CNTN5: variants seen among roughly 807,000 people sequenced by gnomAD.
The protein encoded by CNTN5 is contactin 5, also known as contactin-5.
Under a neutral mutation model 129.1 loss-of-function variants are expected in CNTN5, and 77 were observed. That is an observed-to-expected ratio of 0.60 (90% CI 0.50 to 0.72). The LOEUF (loss-of-function observed/expected upper bound fraction) is 0.72, where lower values mean the gene tolerates loss of function less well. Among genes scored for constraint, CNTN5 ranks in the 30% least tolerant of loss-of-function variants. CNTN5 has a pLI of 0.00. For missense variants in CNTN5, 1,478 were observed against 1,328.8 expected (o/e 1.11, Z -1.75); for synonymous variants, 509 against 465.6 (o/e 1.09, Z -1.20).
At chr11:100,147,476 C>T (rs1429076630) in intron 13 of CNTN5, among the ~76,000 whole-genome samples, 2 of 151,994 alleles carry the variant, frequency 1.3e-5, no homozygotes, top group African/African-American at 2.4e-5. Context: ...GTTTGTCTTG[C>T]CCCTATAAGT....
intron 16 of CNTN5, among the ~76,000 whole-genome samples, chr11:100,240,341 C>T (rs1282871028): frequency 2.0e-5 from 3 of 152,126 alleles, no homozygotes; most frequent in Admixed American, 2.0e-4. Context: ...ACCAAGTTCA[C>T]TGTCACCGTA....
At chr11:99,399,285 G>C (rs1941680576) in intron 2 of CNTN5, among the ~76,000 whole-genome samples, 1 of 151,704 alleles carries the variant, frequency 6.6e-6, no homozygotes, top group South Asian at 2.1e-4. Flanking sequence ...AGTCAATGCA[G>C]TTCTAAACTT....
intron 1 of CNTN5, among the ~76,000 whole-genome samples, chr11:99,285,139 CT>C (rs1243195336): frequency 6.6e-6 from 1 of 152,032 alleles, no homozygotes; most frequent in Non-Finnish European, 1.5e-5. Flanking sequence ...AGGTAGGCAC[CT>C]AGTGAGTTCT....
intron 15 of CNTN5, among the ~76,000 whole-genome samples, chr11:100,224,061 G>A (rs982936784): frequency 1.3e-5 from 2 of 152,084 alleles, no homozygotes; most frequent in Non-Finnish European, 2.9e-5. Flanking sequence ...CAAGAATCAG[G>A]TATTTGGAGC....
At chr11:99,939,173 A>T (rs1029445607) in intron 7 of CNTN5, among the ~76,000 whole-genome samples, 1 of 152,098 alleles carries the variant, frequency 6.6e-6, no homozygotes, top group African/African-American at 2.4e-5. Flanking sequence ...TTCTCTAACA[A>T]TGTAAGAAAT....
intron 13 of CNTN5, among the ~76,000 whole-genome samples, chr11:100,100,103 T>C (rs1368452137): frequency 6.6e-6 from 1 of 152,130 alleles, no homozygotes; most frequent in Non-Finnish European, 1.5e-5. Flanking sequence ...AGCTCTCATA[T>C]AATCTGCTGG....
chr11:100,086,259 C>A (rs1264154046), intron 13 of CNTN5, among the ~76,000 whole-genome samples: 2 of 147,288 alleles, frequency 1.4e-5, no homozygotes, highest in Admixed American at 1.4e-4. Flanking sequence ...CTCTGTCTAC[C>A]AAAGAGAAAA....
At chr11:99,050,365 G>A (rs1864377877) in intron 1 of CNTN5, among the ~76,000 whole-genome samples, 1 of 151,744 alleles carries the variant, frequency 6.6e-6, no homozygotes, top group Admixed American at 6.6e-5. Context: ...TTTATAACTG[G>A]TTTATCATTT....
chr11:99,362,616 T>G (rs1939187809), intron 2 of CNTN5, among the ~76,000 whole-genome samples: 1 of 151,886 alleles, frequency 6.6e-6, no homozygotes, highest in African/African-American at 2.4e-5. Context: ...TTTTAGCTTT[T>G]TTTTTCTTAA....
intron 8 of CNTN5, among the ~76,000 whole-genome samples, chr11:99,974,862 G>A (rs1937837403): frequency 6.6e-6 from 1 of 152,008 alleles, no homozygotes; most frequent in African/African-American, 2.4e-5. Context: ...AAAAATATTG[G>A]TTATAAAGGA....
chr11:100,228,397 T>C (rs533003404), intron 16 of CNTN5, among the ~76,000 whole-genome samples: 1 of 152,182 alleles, frequency 6.6e-6, no homozygotes, highest in African/African-American at 2.4e-5. Flanking sequence ...CTTTCAACCA[T>C]CCACCTTGAA....
intron 13 of CNTN5, among the ~76,000 whole-genome samples, chr11:100,178,229 G>A (rs1008583663): frequency 3.9e-5 from 6 of 152,024 alleles, no homozygotes; most frequent in Non-Finnish European, 5.9e-5. Context: ...TTATTAACTC[G>A]TTTTCCTAAA....
At chr11:99,169,368 C>CTG (rs1455320256) in intron 1 of CNTN5, among the ~76,000 whole-genome samples, 3 of 73,560 alleles carry the variant, frequency 4.1e-5, no homozygotes, top group Admixed American at 1.9e-4. Context: ...ATGCAATAAG[C>CTG]TATATGTGTG....
At chr11:100,203,132 T>A (rs1948823601) in intron 15 of CNTN5, among the ~76,000 whole-genome samples, 1 of 152,068 alleles carries the variant, frequency 6.6e-6, no homozygotes, top group South Asian at 2.1e-4. Context: ...ATCATCAAAT[T>A]GTTTAAAATT....
chr11:99,727,137 T>G (rs966230357), intron 3 of CNTN5, among the ~76,000 whole-genome samples: 14 of 148,154 alleles, frequency 9.4e-5, no homozygotes, highest in Non-Finnish European at 1.9e-4. Context: ...AAACCCCGTC[T>G]CTACTAAAAA....
intron 13 of CNTN5, among the ~76,000 whole-genome samples, chr11:100,182,204 C>T (rs1355705829): frequency 6.6e-6 from 1 of 151,984 alleles, no homozygotes; most frequent in African/African-American, 2.4e-5. Context: ...TGGGAAAATA[C>T]AGTGTTTTAG....
At chr11:100,000,238 A>G (rs1939772282) in intron 8 of CNTN5, among the ~76,000 whole-genome samples, 1 of 152,188 alleles carries the variant, frequency 6.6e-6, no homozygotes, top group Non-Finnish European at 1.5e-5. Flanking sequence ...CTTTCCACCT[A>G]TGAGCCTGTA....
At chr11:99,678,334 A>T (rs946599609) in intron 3 of CNTN5, among the ~76,000 whole-genome samples, 1 of 150,420 alleles carries the variant, frequency 6.6e-6, no homozygotes, top group Non-Finnish European at 1.5e-5. Flanking sequence ...AGGATTATAT[A>T]CTCTAATATA....
At chr11:99,334,783 A>G (rs1459321850) in intron 2 of CNTN5, among the ~76,000 whole-genome samples, 2 of 152,048 alleles carry the variant, frequency 1.3e-5, no homozygotes, top group Non-Finnish European at 2.9e-5. Context: ...AGAAATTATA[A>G]TATTTTAGAT....
Sources: allele counts gnomAD v4.1 joint callset (sites outside exome capture counted in the v4.1 genomes callset), GRCh38; gene constraint gnomAD v4.1.1; transcripts MANE v1.5; gene names NCBI Gene and HGNC (gene_info 2026-07-23, HGNC 2026-07-21).